ZNF718: variants seen among roughly 807,000 people sequenced by gnomAD.
ZNF718 encodes zinc finger protein 718.
A neutral mutation model predicts 2.6 loss-of-function variants in ZNF718; 3 were observed. The observed-to-expected ratio is 1.16, with a 90% CI of 0.53 to 3.01. The LOEUF (loss-of-function observed/expected upper bound fraction) is 3.01. Ranked by LOEUF, ZNF718 falls within the 30% of genes most tolerant of loss-of-function variation. The pLI is 0.03. For missense variants in ZNF718, 468 were observed against 230.0 expected (o/e 2.03, Z -6.69); for synonymous variants, 135 against 77.9 (o/e 1.73, Z -3.86).
Position 161,547 on chromosome 4 carries a change from T to C in ZNF718, c.862T>C (p.Cys288Arg). The change falls in exon 4 of 4, where the codon TGT (cysteine) becomes CGT (arginine). Residue 288 changes from cysteine (C) to arginine (R), a missense_variant. Cys to Arg is a radical substitution (Grantham distance 180). Coordinates refer to ENST00000510175, the MANE Select transcript of ZNF718 (RefSeq NM_001039127.6). Reference sequence around the variant, plus strand: ...ACAAAAATACTACAAATGTGAAGAATGTGGTAAAGCCTTTAAGTGGTCCTC... The same window carrying C: ...ACAAAAATACTACAAATGTGAAGAACGTGGTAAAGCCTTTAAGTGGTCCTC... ...SAQKYYKCEE[C>R]GKAFKWSSSL... 1.3e-6 allele frequency: 1 copy of C among 780,900 alleles called. No individual in the cohort carries two copies. Among genetic ancestry groups the C allele is most frequent in the East Asian group, 2.4e-5 (1 of 41,238 alleles). The allele number at this position is 780,900 out of a possible 1,614,324, so 48.4% of individuals were successfully genotyped here.
chr4:165,644 C>A (rs1717068670), downstream of ZNF718, among the ~76,000 whole-genome samples: 1 of 152,090 alleles, frequency 6.6e-6, no homozygotes, highest in Non-Finnish European at 1.5e-5. Context: ...ACTAAAAATA[C>A]AAAAATTAGC....
At chr4:138,716 T>C (rs924168447) in intron 3 of ZNF718, among the ~76,000 whole-genome samples, 8 of 152,192 alleles carry the variant, frequency 5.3e-5, no homozygotes, top group African/African-American at 1.9e-4. Flanking sequence ...CTGGTCTCCA[T>C]GGTCATTGTA....
chr4:137,947 T>TA (rs1334668974), intron 3 of ZNF718, among the ~76,000 whole-genome samples: 1 of 152,254 alleles, frequency 6.6e-6, no homozygotes, highest in Non-Finnish European at 1.5e-5. Flanking sequence ...TTATGCTTCT[T>TA]ACATTTAAAT....
intron 3 of ZNF718, among the ~76,000 whole-genome samples, chr4:142,447 G>A (rs1425813259): frequency 1.3e-5 from 2 of 152,172 alleles, no homozygotes; most frequent in East Asian, 3.9e-4. Flanking sequence ...TACATACATT[G>A]CCTCATAATC....
At position 162,279 on chromosome 4, in the gene ZNF718, T is replaced by G. The variant is rs1267339221; in HGVS notation, c.*157T>G. 1.9e-4 allele frequency: 94 copies of G among 494,620 alleles called. 2 individuals carry two copies. In the East Asian group the frequency reaches 2.8e-3, roughly 15 times the overall value. The allele number at this position is 494,620 out of a possible 1,614,324, so 30.6% of individuals were successfully genotyped here. Reference sequence around the variant, plus strand: ...GAGAAATGGTATTGGTGAGAAGCCATAAAAATATGAAAAATGTGGAAAAGC... The same window carrying G: ...GAGAAATGGTATTGGTGAGAAGCCAGAAAAATATGAAAAATGTGGAAAAGC... On this transcript the variant is annotated 3_prime_UTR_variant, in exon 4 of 4. Coordinates refer to ENST00000510175, the MANE Select transcript of ZNF718 (RefSeq NM_001039127.6).
chr4:187,715 A>G (rs968266159), intron 3 of ZNF718, among the ~76,000 whole-genome samples: 6 of 152,096 alleles, frequency 3.9e-5, no homozygotes, highest in South Asian at 2.1e-4. Context: ...CAATCAGGGG[A>G]AAGGGGATGA....
chr4:183,430 G>A (rs1553820089), intron 3 of ZNF718, among the ~76,000 whole-genome samples: 2 of 152,154 alleles, frequency 1.3e-5, no homozygotes, highest in Non-Finnish European at 2.9e-5. Context: ...AAGTCAGGTA[G>A]CCTGATGCCT....
At chr4:126,817 G>A (rs1417748162) in intron 1 of ZNF718, among the ~76,000 whole-genome samples, 2 of 150,542 alleles carry the variant, frequency 1.3e-5, no homozygotes, top group Admixed American at 1.3e-4. Context: ...TAGGATTGGA[G>A]ATAATTTTTC....
chr4:126,869 C>T (rs1261126450), intron 1 of ZNF718, among the ~76,000 whole-genome samples: 2 of 151,532 alleles, frequency 1.3e-5, no homozygotes, highest in African/African-American at 4.9e-5. Context: ...GCTGTGTCGC[C>T]AGGCTGGAGT....
intron 3 of ZNF718, among the ~76,000 whole-genome samples, chr4:133,443 A>G (rs1231789896): frequency 3.9e-5 from 6 of 151,942 alleles, no homozygotes; most frequent in African/African-American, 1.4e-4. Context: ...CTCAATTATT[A>G]CCTTATTTCT....
At chr4:145,404 A>G (rs797034862) in intron 3 of ZNF718, among the ~76,000 whole-genome samples, 6 of 151,956 alleles carry the variant, frequency 3.9e-5, no homozygotes, top group African/African-American at 1.4e-4. Context: ...TTTTATTTTA[A>G]TTTCCAAGAG....
intron 3 of ZNF718, among the ~76,000 whole-genome samples, chr4:138,142 A>G (rs572261490): frequency 1.3e-5 from 2 of 152,320 alleles, no homozygotes; most frequent in South Asian, 2.1e-4. Flanking sequence ...TTTACAGACA[A>G]CCTAACTACA....
Position 124,536 on chromosome 4 carries a change from G to T in ZNF718, c.-135G>T. 7.9e-7 allele frequency: 1 copy of T among 1,265,532 alleles called. No individual in the cohort carries two copies. Among genetic ancestry groups the T allele is most frequent in the South Asian group, 1.2e-5 (1 of 84,520 alleles). The allele number at this position is 1,265,532 out of a possible 1,614,324, so 78.4% of individuals were successfully genotyped here. A position where few individuals can be genotyped will look rare whatever the true frequency, so the allele number is the denominator to read the frequency against. ...TGTAGCTCCAGCCAGAGCTCGGTTA[G>T]GGCCTCATCGCTCTGCTCCCGCTCC... On this transcript the variant is annotated 5_prime_UTR_variant, in exon 1 of 4. In the 5' UTR this introduces an upstream ATG that the reference lacks. Coordinates refer to ENST00000510175, the MANE Select transcript of ZNF718 (RefSeq NM_001039127.6).
chr4:154,860 C>G (rs528185547), intron 3 of ZNF718, among the ~76,000 whole-genome samples: 1 of 152,298 alleles, frequency 6.6e-6, no homozygotes, highest in East Asian at 1.9e-4. Context: ...AAAAATGTCT[C>G]TAGGGCATTT....
In ZNF718 at chr4:161,624, C is replaced by T. The variant is rs539850096; in HGVS notation, c.939C>T (p.Cys313=). ...RIHAGEKPFS[C]EECGNVFTTS... The stretch of plus-strand genomic sequence containing the variant: ...ATGCTGGAGAGAAACCCTTCTCATG[C>T]GAAGAATGTGGCAATGTCTTTACCA... Residue 313 remains cysteine (C), a synonymous_variant, in exon 4 of 4, where the codon TGC becomes TGT. Transcript: ENST00000510175. The T allele has an allele frequency of 2.9e-4, 223 of 779,184 alleles. 1 individual carries two copies. Among genetic ancestry groups the T allele is most frequent in the South Asian group, 2.8e-3 (205 of 74,486 alleles). 48.3% of individuals were successfully genotyped at this position (779,184 alleles called of 1,614,324 possible).
intron 3 of ZNF718, among the ~76,000 whole-genome samples, chr4:156,206 C>G (rs1454649305): frequency 3.9e-5 from 6 of 152,008 alleles, no homozygotes; most frequent in Non-Finnish European, 7.4e-5. Context: ...GAGCACAAGT[C>G]AAATATGCAT....
intron 1 of ZNF718, 55 bp from the exon 2 acceptor site, chr4:130,733 C>G: frequency 4.0e-6 from 1 of 250,738 alleles, no homozygotes; most frequent in Non-Finnish European, 7.2e-6. Context: ...CAGAGCGGGA[C>G]TCCGTATTAA....
intron 3 of ZNF718, among the ~76,000 whole-genome samples, chr4:160,553 GTTTA>G (rs1349909059): frequency 3.0e-4 from 45 of 151,000 alleles, no homozygotes; most frequent in Admixed American, 2.4e-3. Flanking sequence ...TTACTTATTT[GTTTA>G]TTTATTTATT....
chr4:158,346 A>G (rs1716669262), intron 3 of ZNF718, among the ~76,000 whole-genome samples: 1 of 152,014 alleles, frequency 6.6e-6, no homozygotes, highest in African/African-American at 2.4e-5. Context: ...TGTATTTTGA[A>G]TGGAAAGTTT....
Sources: gnomAD v4.1 joint callset for allele counts (sites outside exome capture counted in the v4.1 genomes callset) on GRCh38, gnomAD v4.1.1 for gene constraint, MANE v1.5 for transcripts, NCBI Gene and HGNC (gene_info 2026-07-23, HGNC 2026-07-21) for gene names.